DGCR2: variants seen among roughly 807,000 people sequenced by gnomAD.
DGCR2 encodes the protein DiGeorge syndrome critical region gene 2.
A neutral mutation model predicts 51.6 loss-of-function variants in DGCR2; 24 were observed. That is an observed-to-expected ratio of 0.47 (90% CI 0.34 to 0.65). The LOEUF is 0.65. DGCR2 is among the 30% of genes least tolerant of loss of function. The probability of loss-of-function intolerance (pLI) is 0.01; values close to 1 mark genes in which losing one functional copy is unlikely to be tolerated. For synonymous variants in DGCR2, 340 were observed against 315.4 expected, an observed-to-expected ratio of 1.08 and a Z score of -0.82; for missense variants, 765 against 772.1, an observed-to-expected ratio of 0.99 and a Z score of 0.11.
intron 1 of DGCR2, among the ~76,000 whole-genome samples, chr22:19,097,205 T>C (rs927019428): frequency 6.6e-6 from 1 of 152,096 alleles, no homozygotes; most frequent in Non-Finnish European, 1.5e-5. Context: ...TTGTCACTCC[T>C]GGCTTCCTAT....
chr22:19,042,863 T>C (rs2082448589), intron 7 of DGCR2, among the ~76,000 whole-genome samples: 1 of 152,160 alleles, frequency 6.6e-6, no homozygotes, highest in Admixed American at 6.5e-5. Context: ...GCGTGAAGCC[T>C]GTCACTCCAA....
intron 1 of DGCR2, among the ~76,000 whole-genome samples, chr22:19,090,642 G>A (rs1181116032): frequency 6.6e-6 from 1 of 152,156 alleles, no homozygotes; most frequent in East Asian, 1.9e-4. Context: ...ACCAAAGGTG[G>A]GAAGAGAGAA....
chr22:19,075,553 A>C (rs1308252681), intron 2 of DGCR2, among the ~76,000 whole-genome samples: 1 of 152,176 alleles, frequency 6.6e-6, no homozygotes, highest in Non-Finnish European at 1.5e-5. Context: ...CATCTTACCA[A>C]ACAAACTCCG....
At chr22:19,044,580 C>T (rs544665371) in intron 7 of DGCR2, among the ~76,000 whole-genome samples, 13 of 152,264 alleles carry the variant, frequency 8.5e-5, no homozygotes, top group African/African-American at 2.6e-4. Flanking sequence ...CAGGGCTGCC[C>T]GACAGCAGCA....
intron 1 of DGCR2, among the ~76,000 whole-genome samples, chr22:19,100,869 C>T (rs893487541): frequency 2.6e-5 from 4 of 152,110 alleles, no homozygotes; most frequent in African/African-American, 9.7e-5. Flanking sequence ...CTTTGGGAGG[C>T]CAAGGTGGTC....
intron 2 of DGCR2, among the ~76,000 whole-genome samples, chr22:19,072,899 T>A (rs7286581): frequency 0.19 from 28,725 of 151,414 alleles, 2,900 homozygotes; most frequent in South Asian, 0.35. Context: ...AATTTTTTTT[T>A]AAAAAAAAGG....
intron 7 of DGCR2, among the ~76,000 whole-genome samples, chr22:19,044,201 C>T (rs888663575): frequency 6.6e-6 from 1 of 152,244 alleles, no homozygotes; most frequent in Non-Finnish European, 1.5e-5. Context: ...CACTTGTAGT[C>T]AAGCACAAAG....
At chr22:19,100,450 C>T (rs1413501118) in intron 1 of DGCR2, among the ~76,000 whole-genome samples, 2 of 151,944 alleles carry the variant, frequency 1.3e-5, no homozygotes, top group Non-Finnish European at 2.9e-5. Flanking sequence ...GCCACAGTAC[C>T]AACATAAGGA....
intron 1 of DGCR2, among the ~76,000 whole-genome samples, chr22:19,101,570 G>A (rs545154473): frequency 2.4e-4 from 37 of 151,894 alleles, no homozygotes; most frequent in African/African-American, 7.0e-4. Context: ...GTGAAACCCC[G>A]TCTCTACCAA....
At chr22:19,097,798 A>T (rs2083158434) in intron 1 of DGCR2, among the ~76,000 whole-genome samples, 1 of 152,098 alleles carries the variant, frequency 6.6e-6, no homozygotes, top group Admixed American at 6.5e-5. Context: ...GGCCAATGAG[A>T]AGAGTCTGTA....
chr22:19,049,556 G>A (rs111724569), intron 6 of DGCR2, among the ~76,000 whole-genome samples: 1,617 of 152,294 alleles, frequency 0.011, 19 homozygotes, highest in Non-Finnish European at 0.016. Flanking sequence ...GCTGGGCGCG[G>A]TGGCTCACAC....
chr22:19,114,277 A>G (rs1397996833), intron 1 of DGCR2, among the ~76,000 whole-genome samples: 5 of 152,240 alleles, frequency 3.3e-5, no homozygotes, highest in Admixed American at 6.5e-5. Context: ...TATGAATGTT[A>G]GCAAATGTGA....
intron 1 of DGCR2, among the ~76,000 whole-genome samples, chr22:19,091,498 T>C (rs1476509782): frequency 6.6e-6 from 1 of 152,270 alleles, no homozygotes; most frequent in Non-Finnish European, 1.5e-5. Context: ...TATGTATCTA[T>C]TAAAATTTAC....
Position 19,122,150 on chromosome 22 carries a change from A to T in DGCR2, c.57T>A (p.Thr19=), listed in dbSNP as rs758953307. Residue 19 remains threonine (T), a synonymous_variant, in exon 1 of 10, where the codon ACT becomes ACA. Transcript: ENST00000263196. ...CACCTGGCCGCAGCGGCTCGGTGAC[A>T]GTGAGCACGAGCAGGAAGAGCAGCA... ...AFLLLFLLVL[T]VTEPLRPELR... The T allele has an allele frequency of 6.6e-6, 10 of 1,505,274 alleles. No homozygotes were observed. Among genetic ancestry groups the T allele is most frequent in the Admixed American group, 2.2e-5 (1 of 45,422 alleles). The allele number at this position is 1,505,274 out of a possible 1,614,324, so 93.2% of individuals were successfully genotyped here. A position where few individuals can be genotyped will look rare whatever the true frequency, so the allele number is the denominator to read the frequency against.
At chr22:19,043,926 A>C (rs962058376) in intron 7 of DGCR2, among the ~76,000 whole-genome samples, 4 of 152,158 alleles carry the variant, frequency 2.6e-5, no homozygotes, top group Non-Finnish European at 4.4e-5. Flanking sequence ...TCCTCTCACC[A>C]ATTAGCTGCT....
intron 1 of DGCR2, among the ~76,000 whole-genome samples, chr22:19,108,352 CTTGAGCCCA>C (rs1364500394): frequency 6.6e-6 from 1 of 152,134 alleles, no homozygotes; most frequent in Non-Finnish European, 1.5e-5. Context: ...AGGAGGATCA[CTTGAGCCCA>C]GGAGTTGGAG....
rs1315296256 is a variant in DGCR2 at position 19,036,290 on chromosome 22, G to A, written c.*2575C>T. 2.0e-5 allele frequency: 3 copies of A among 152,442 alleles called. No homozygotes were observed. The highest frequency in any genetic ancestry group is 1.9e-4 in the East Asian group (1 of 5,194). 9.4% of individuals were successfully genotyped at this position (152,442 alleles called of 1,614,324 possible). On this transcript the variant is annotated 3_prime_UTR_variant, in exon 10 of 10. Transcript: ENST00000263196. ...ACCAAGGACTAACCATGCCTCTTCC[G>A]GAACACAAGTTTATTTGGCATTTGG...
At chr22:19,085,492 CCA>C (rs1309379208) in intron 2 of DGCR2, among the ~76,000 whole-genome samples, 3 of 152,208 alleles carry the variant, frequency 2.0e-5, no homozygotes, top group African/African-American at 7.2e-5. Context: ...CTTCCACTTG[CCA>C]CATTTCCCAA....
At position 19,041,917 on chromosome 22, in the gene DGCR2, A is replaced by G. The variant is rs2082436705; in HGVS notation, c.1049T>C (p.Leu350Pro). The G allele has an allele frequency of 6.2e-7, 1 of 1,613,656 alleles. No homozygotes were observed. The highest frequency in any genetic ancestry group is 1.1e-5 in the South Asian group (1 of 91,066). The change falls in exon 8 of 10, where the codon CTG (leucine) becomes CCG (proline). Residue 350 changes from leucine (L) to proline (P), a missense_variant. By Grantham distance (98) the Leu-to-Pro change is moderately conservative. Around this residue, in one of 3 missense-constraint regions of DGCR2, gnomAD observed 190 missense variants for 265.2 expected, o/e 0.72. Coordinates refer to ENST00000263196, the MANE Select transcript of DGCR2 (RefSeq NM_005137.3). ...LFDSMASGMR[L>P]VVSCISSFLI... is the part of the protein sequence containing the mutation. ...GAAGGAGGAGATGCAGCTGACGACC[A>G]GGCGCATCCCGCTGGCCATGGAGTC...
Sources: allele counts gnomAD v4.1 joint callset (sites outside exome capture counted in the v4.1 genomes callset), GRCh38; gene constraint gnomAD v4.1.1; regional missense constraint gnomAD v4.1.1; transcripts MANE v1.5; gene names NCBI Gene and HGNC (gene_info 2026-07-23, HGNC 2026-07-21).